Variants in HNF1B observed in about 807,000 individuals in gnomAD.
The protein encoded by HNF1B is HNF1 homeobox B.
Under a neutral mutation model 61.7 loss-of-function variants are expected in HNF1B, and 8 were observed. That is an observed-to-expected ratio of 0.13 (90% CI 0.08 to 0.23). The LOEUF (loss-of-function observed/expected upper bound fraction) is 0.23, where lower values mean the gene tolerates loss of function less well. Ranked by LOEUF, HNF1B falls within the 10% of genes least tolerant of loss-of-function variation. The pLI is 1.00. For synonymous variants in HNF1B, 314 were observed against 287.7 expected (o/e 1.09, Z -0.93); for missense variants, 562 against 714.5 (o/e 0.79, Z 2.43).
chr17:37,688,002 T>C (rs943035373), intron 8 of HNF1B, among the ~76,000 whole-genome samples: 3 of 152,176 alleles, frequency 2.0e-5, no homozygotes, highest in African/African-American at 7.2e-5. Context: ...CCACTCAAAC[T>C]ACTCATCAGG....
intron 3 of HNF1B, 86 bp from the exon 4 acceptor site, chr17:37,731,916 T>A: frequency 1.1e-6 from 1 of 912,608 alleles, no homozygotes. Flanking sequence ...ATCACAGCAG[T>A]CTTGGTTGGG....
chr17:37,717,037 C>G (rs1303715339), intron 4 of HNF1B, among the ~76,000 whole-genome samples: 1 of 152,122 alleles, frequency 6.6e-6, no homozygotes, highest in Non-Finnish European at 1.5e-5. Context: ...GCTGGGTAAA[C>G]AGAAGAGCAA....
chr17:37,733,286 A>G (rs1446579741), intron 3 of HNF1B, among the ~76,000 whole-genome samples: 2 of 152,244 alleles, frequency 1.3e-5, no homozygotes, highest in Non-Finnish European at 2.9e-5. Context: ...TTAACAACCA[A>G]TTCAACAAAG....
chr17:37,711,000 G>A lies in HNF1B; in HGVS notation c.1046-337C>T, dbSNP rs146987167. 9.3e-3 allele frequency among the ~76,000 whole-genome samples: 1,421 copies of A among 152,330 alleles called. 30 individuals are homozygous for A. Among genetic ancestry groups the A allele is most frequent in the African/African-American group, 0.032 (1,348 of 41,562 alleles). On this transcript the variant is annotated intron_variant, in intron 4 of 8. Transcript: ENST00000617811. ...ATGGATTCTGTTTGTTATTGCTTCC[G>A]CACAGTTCTTTGAGGATTTGGGGGT...
At chr17:37,718,988 A>T (rs1309088742) in intron 4 of HNF1B, among the ~76,000 whole-genome samples, 3 of 152,060 alleles carry the variant, frequency 2.0e-5, no homozygotes, top group Admixed American at 6.6e-5. Flanking sequence ...CCCAGGCTGG[A>T]CTGTGGTGGT....
rs115667205 is a variant in HNF1B, at chr17:37,709,356, C to T, written c.1206+1147G>A. 5.9e-3 allele frequency among the ~76,000 whole-genome samples: 894 copies of T among 152,240 alleles called. 9 individuals carry two copies. The highest frequency in any genetic ancestry group is 0.019 in the African/African-American group (783 of 41,532). ...CCTCTGCCTCCCAGGCTCAAGTGAG[C>T]TCCCCACCTCAGCCTCCCGAGTAGC... On this transcript the variant is annotated intron_variant, in intron 5 of 8. Coordinates refer to ENST00000617811, the MANE Select transcript of HNF1B (RefSeq NM_000458.4).
chr17:37,721,217 G>A (rs529854759), intron 4 of HNF1B, among the ~76,000 whole-genome samples: 1 of 152,230 alleles, frequency 6.6e-6, no homozygotes, highest in Non-Finnish European at 1.5e-5. Flanking sequence ...TCTGTTTATT[G>A]TGACTGGCCC....
chr17:37,689,181 G>A (rs796396971), intron 8 of HNF1B, among the ~76,000 whole-genome samples: 6 of 150,148 alleles, frequency 4.0e-5, no homozygotes, highest in African/African-American at 1.5e-4. Flanking sequence ...GAGGGGGGCT[G>A]AGCAGTGCGT....
intron 4 of HNF1B, among the ~76,000 whole-genome samples, chr17:37,713,935 G>A (rs934640355): frequency 2.0e-5 from 3 of 152,244 alleles, no homozygotes; most frequent in African/African-American, 7.2e-5. Context: ...TCTTGTTAGA[G>A]GAAGGAGAGG....
intron 1 of HNF1B, among the ~76,000 whole-genome samples, chr17:37,740,538 T>C (rs761227693): frequency 6.6e-6 from 1 of 152,092 alleles, no homozygotes; most frequent in Non-Finnish European, 1.5e-5. Flanking sequence ...CTTAGCCAAA[T>C]AGTAAATAAT....
At chr17:37,739,708 G>A (rs1410331421) in intron 1 of HNF1B, 69 bp from the exon 2 acceptor site, 9 of 1,358,776 alleles carry the variant, frequency 6.6e-6, no homozygotes, top group African/African-American at 4.3e-5. Context: ...TTTTTCTAGG[G>A]GGTGCTACCT....
chr17:37,714,443 G>T (rs1324814433), intron 4 of HNF1B, among the ~76,000 whole-genome samples: 1 of 152,202 alleles, frequency 6.6e-6, no homozygotes, highest in Non-Finnish European at 1.5e-5. Flanking sequence ...AAGATGCCAG[G>T]TTAATAGCCA....
chr17:37,707,117 A>AT (rs3049485), intron 5 of HNF1B, among the ~76,000 whole-genome samples: 40,882 of 143,784 alleles, frequency 0.28, 6,366 homozygotes, highest in Non-Finnish European at 0.36. Flanking sequence ...ATTATTTTTA[A>AT]TTTTTTTTTT....
At chr17:37,721,047 CAT>C (rs1555826443) in intron 4 of HNF1B, 1 of 714,672 alleles carries the variant, frequency 1.4e-6, no homozygotes, top group Non-Finnish European at 1.7e-6. Flanking sequence ...CAAGAACTCA[CAT>C]AGACTTCACT....
chr17:37,742,871 G>A (rs1314829571), intron 1 of HNF1B, among the ~76,000 whole-genome samples: 1 of 151,482 alleles, frequency 6.6e-6, no homozygotes, highest in Non-Finnish European at 1.5e-5. Context: ...GGCTGGGTGC[G>A]CGCTGGGAGC....
At position 37,733,004 on chromosome 17, in the gene HNF1B, T is replaced by A. The variant is rs552856733; in HGVS notation, c.809+553A>T. 1.4e-4 allele frequency among the ~76,000 whole-genome samples: 21 copies of A among 152,214 alleles called. 1 individual carries two copies. The South Asian group carries it at 4.4e-3, about 32-fold the overall frequency. On this transcript the variant is annotated intron_variant, in intron 3 of 8. Transcript: ENST00000617811. ...CTGGTAGTTAACAAGTAAAAAGAACTCTGTTGAGTCAGCGGGGGCAGAGTG... is the reference window on the plus strand; with the variant it reads ...CTGGTAGTTAACAAGTAAAAAGAACACTGTTGAGTCAGCGGGGGCAGAGTG...
intron 7 of HNF1B, among the ~76,000 whole-genome samples, chr17:37,700,074 T>TA (rs2032513898): frequency 6.6e-6 from 1 of 151,896 alleles, no homozygotes; most frequent in Admixed American, 6.6e-5. Context: ...AGATTGGACT[T>TA]AGAGTGGCTA....
intron 2 of HNF1B, among the ~76,000 whole-genome samples, chr17:37,738,086 G>A (rs1049411915): frequency 2.6e-5 from 4 of 152,218 alleles, no homozygotes; most frequent in African/African-American, 7.2e-5. Context: ...GGGCCCAAGC[G>A]TTGTTGGGTC....
chr17:37,744,923 TGGG>T lies in HNF1B; in HGVS notation c.-42_-40del. On this transcript the variant is annotated 5_prime_UTR_variant, in exon 1 of 9. Coordinates refer to ENST00000617811, the MANE Select transcript of HNF1B (RefSeq NM_000458.4). ...AAAAAGAAGGGGGTGAGGGGGTGGG[TGGG>T]TGCGAGAGAGGAGGGTGGAGGGGAG... The T allele has an allele frequency of 2.8e-6, 1 of 357,100 alleles. No homozygotes were observed. Among genetic ancestry groups the T allele is most frequent in the Non-Finnish European group, 5.4e-6 (1 of 184,548 alleles). The allele number at this position is 357,100 out of a possible 1,614,324, so 22.1% of individuals were successfully genotyped here. A position where few individuals can be genotyped will look rare whatever the true frequency, so the allele number is the denominator to read the frequency against.
Sources: gnomAD v4.1 joint callset for allele counts (sites outside exome capture counted in the v4.1 genomes callset) on GRCh38, gnomAD v4.1.1 for gene constraint, MANE v1.5 for transcripts, NCBI Gene and HGNC (gene_info 2026-07-23, HGNC 2026-07-21) for gene names.